RIN3: variants seen among roughly 807,000 people sequenced by gnomAD.
RIN3 encodes RAB5 interacting protein 3.
Under a neutral mutation model 76.3 loss-of-function variants are expected in RIN3, and 54 were observed. That is an observed-to-expected ratio of 0.71 (90% CI 0.57 to 0.89). The LOEUF (loss-of-function observed/expected upper bound fraction) is 0.89. Ranked by LOEUF, RIN3 falls within the 40% of genes least tolerant of loss-of-function variation. RIN3 has a pLI of 0.00. For missense variants in RIN3, 1,256 were observed against 1,322.1 expected (o/e 0.95, Z 0.78); for synonymous variants, 576 against 564.0 (o/e 1.02, Z -0.30).
chr14:92,560,562 A>G (rs911006661), intron 2 of RIN3, among the ~76,000 whole-genome samples: 5 of 152,116 alleles, frequency 3.3e-5, no homozygotes, highest in African/African-American at 1.2e-4. Flanking sequence ...CCATTTTCAG[A>G]TGAGGAAACA....
chr14:92,569,971 C>T lies in RIN3; in HGVS notation c.250-7389C>T, dbSNP rs116080855. Among the ~76,000 whole-genome samples the T allele has an allele frequency of 8.8e-3, 1,341 of 152,276 alleles. 20 individuals carry two copies. The highest frequency in any genetic ancestry group is 0.031 in the African/African-American group (1,288 of 41,542). On this transcript the variant is annotated intron_variant, in intron 2 of 9. Coordinates refer to ENST00000216487, the MANE Select transcript of RIN3 (RefSeq NM_024832.5). ...GGAAAAAGAAATTTTGGGTGGCATT[C>T]GCAGTAATGGGTCATGACGTGCAGT... is the stretch of plus-strand genomic sequence containing the variant.
At chr14:92,520,403 G>C (rs1009777546) in intron 1 of RIN3, among the ~76,000 whole-genome samples, 1 of 152,312 alleles carries the variant, frequency 6.6e-6, no homozygotes, top group Non-Finnish European at 1.5e-5. Context: ...GCCCATCCTC[G>C]AGGGGCTGCC....
intron 1 of RIN3, among the ~76,000 whole-genome samples, chr14:92,538,428 A>G (rs1311456542): frequency 1.3e-5 from 2 of 152,156 alleles, no homozygotes; most frequent in African/African-American, 4.8e-5. Context: ...CTTTTTCTTG[A>G]ACCCTTATTC....
intron 4 of RIN3, among the ~76,000 whole-genome samples, chr14:92,627,863 A>G (rs534679014): frequency 1.3e-5 from 2 of 152,366 alleles, no homozygotes; most frequent in East Asian, 3.9e-4. Flanking sequence ...GCATTCAGGC[A>G]AAAGTTTTCT....
chr14:92,574,370 A>C (rs1395818442), intron 2 of RIN3, among the ~76,000 whole-genome samples: 2 of 152,212 alleles, frequency 1.3e-5, no homozygotes, highest in African/African-American at 4.8e-5. Flanking sequence ...TGGATTCTCT[A>C]CCTGGCTATG....
chr14:92,537,634 C>CTTTTT (rs576683908), intron 1 of RIN3, among the ~76,000 whole-genome samples: 8 of 51,636 alleles, frequency 1.5e-4, no homozygotes, highest in South Asian at 1.9e-3. Flanking sequence ...GCCTTAGGGA[C>CTTTTT]TTTTTTTTTT....
chr14:92,555,987 C>T (rs758523477), intron 2 of RIN3, 32 bp downstream of exon 2: 10 of 1,588,016 alleles, frequency 6.3e-6, no homozygotes, highest in Non-Finnish European at 8.6e-6. Context: ...TTGGTAGGCA[C>T]ACACACCTGT....
intron 7 of RIN3, among the ~76,000 whole-genome samples, chr14:92,673,874 T>A: frequency 6.6e-6 from 1 of 152,244 alleles, no homozygotes; most frequent in East Asian, 1.9e-4. Flanking sequence ...ACAGGAGCAG[T>A]CATTTCCAAT....
At chr14:92,537,436 C>T (rs1897024780) in intron 1 of RIN3, among the ~76,000 whole-genome samples, 1 of 152,148 alleles carries the variant, frequency 6.6e-6, no homozygotes, top group African/African-American at 2.4e-5. Flanking sequence ...ACAGACAATG[C>T]TCCCCTGAAT....
In RIN3 at chr14:92,646,183, G is replaced by A. The variant is rs559263842; in HGVS notation, c.532+4854G>A. On this transcript the variant is annotated intron_variant, in intron 5 of 9. Coordinates refer to ENST00000216487, the MANE Select transcript of RIN3 (RefSeq NM_024832.5). ...TCAGGGCTTGCTGAGTTTGAACCCC[G>A]TGCTCTGCCTGCGCTATGCCCTGAT... 7.8e-4 allele frequency among the ~76,000 whole-genome samples: 119 copies of A among 152,242 alleles called. 2 individuals are homozygous for A. The highest frequency in any genetic ancestry group is 9.7e-4 in the East Asian group (5 of 5,170).
chr14:92,513,971 C>A lies in RIN3; in HGVS notation c.39C>A (p.Pro13=). ...CCGGGGCGCCCGCGCGCGGGGACCC[C>A]ACGGGGTAAGTCCGGGCGGCCGCCC... The part of the protein sequence containing the change: ...RHAGAPARGD[P]TGPVPVVGKG... The change falls in exon 1 of 10, where the codon CCC becomes CCA. Residue 13 remains proline (P), a synonymous_variant. Transcript: ENST00000216487. 3 of 1,245,634 alleles carry A rather than the reference C, an allele frequency of 2.4e-6. No individual in the cohort carries two copies. Among genetic ancestry groups the A allele is most frequent in the Non-Finnish European group, 2.0e-6 (2 of 994,742 alleles). 77.2% of individuals were successfully genotyped at this position (1,245,634 alleles called of 1,614,324 possible). A position where few individuals can be genotyped will look rare whatever the true frequency, so the allele number is the denominator to read the frequency against.
In RIN3 at chr14:92,688,595, C is replaced by T; in HGVS notation, c.*343C>T. On this transcript the variant is annotated 3_prime_UTR_variant, in exon 10 of 10. Transcript: ENST00000216487. Reference sequence around the variant, plus strand: ...GGCCATTCCCCATGAGTCCCCCACACCCACCCCATCCTCGGTCTTTGCAAA... The same window carrying T: ...GGCCATTCCCCATGAGTCCCCCACATCCACCCCATCCTCGGTCTTTGCAAA... The T allele has an allele frequency of 3.0e-6, 1 of 329,916 alleles. No individual in the cohort carries two copies. Among genetic ancestry groups the T allele is most frequent in the South Asian group, 5.0e-5 (1 of 19,840 alleles). 20.4% of individuals were successfully genotyped at this position (329,916 alleles called of 1,614,324 possible).
At position 92,651,884 on chromosome 14, in the gene RIN3, C is replaced by T. The variant is rs117068593; in HGVS notation, c.835C>T (p.Arg279Cys). Residue 279 changes from arginine to cysteine, a missense_variant, in exon 6 of 10, where the codon CGC (arginine) becomes TGC (cysteine). By Grantham distance (180) the Arg-to-Cys change is radical. This residue lies in a region of RIN3 where 610 missense variants were observed against 626.4 expected (regional missense o/e 0.97). Transcript: ENST00000216487. ...TSPTSRWAPR[R>C]PPPPPPVLPL... ...ACCCACCTCCAGGTGGGCCCCACGCCGCCCACCACCCCCTCCCCCAGTGCT... is the reference window on the plus strand; with the variant it reads ...ACCCACCTCCAGGTGGGCCCCACGCTGCCCACCACCCCCTCCCCCAGTGCT... 0.17 allele frequency: 262,500 copies of T among 1,590,634 alleles called. 23,718 individuals are homozygous for T. The highest frequency in any genetic ancestry group is 0.19 in the Non-Finnish European group (217,845 of 1,168,004).
intron 7 of RIN3, among the ~76,000 whole-genome samples, chr14:92,659,902 C>T (rs917147711): frequency 3.3e-5 from 5 of 152,168 alleles, no homozygotes; most frequent in African/African-American, 9.7e-5. Flanking sequence ...CTGTTCCTTC[C>T]GAGCTTCTGG....
chr14:92,619,944 A>T (rs933814510), intron 4 of RIN3, among the ~76,000 whole-genome samples: 1 of 152,230 alleles, frequency 6.6e-6, no homozygotes, highest in Non-Finnish European at 1.5e-5. Context: ...CCAATATTTG[A>T]ACATAATTTG....
At chr14:92,635,178 C>A (rs919398062) in intron 4 of RIN3, among the ~76,000 whole-genome samples, 13 of 152,186 alleles carry the variant, frequency 8.5e-5, no homozygotes, top group African/African-American at 3.1e-4. Context: ...GCACCAGTTT[C>A]AGACACCTGC....
Position 92,649,428 on chromosome 14 carries a change from A to G in RIN3, c.533-2154A>G, listed in dbSNP as rs140774790. ...TAGACATGGGCACAGTGCTTCAAAC[A>G]CTCACTCCAGGGGCCTGTGTAGACA... On this transcript the variant is annotated intron_variant, in intron 5 of 9. Transcript: ENST00000216487. Among the ~76,000 whole-genome samples, 400 of 151,240 alleles carry G rather than the reference A, an allele frequency of 2.6e-3. 3 individuals carry two copies. Among genetic ancestry groups the G allele is most frequent in the African/African-American group, 9.3e-3 (382 of 41,078 alleles).
intron 8 of RIN3, among the ~76,000 whole-genome samples, chr14:92,683,104 T>C (rs1278215253): frequency 6.6e-6 from 1 of 151,446 alleles, no homozygotes; most frequent in Non-Finnish European, 1.5e-5. Flanking sequence ...GAGGCGGAGG[T>C]TGCAATGTGC....
At chr14:92,549,764 G>A (rs1280432387) in intron 1 of RIN3, among the ~76,000 whole-genome samples, 4 of 152,236 alleles carry the variant, frequency 2.6e-5, no homozygotes, top group South Asian at 2.1e-4. Context: ...GTGGGTGTCC[G>A]GCGGCAGCCA....
Sources: gnomAD v4.1 joint callset for allele counts (sites outside exome capture counted in the v4.1 genomes callset) on GRCh38, gnomAD v4.1.1 for gene constraint, gnomAD v4.1.1 regional missense constraint, MANE v1.5 for transcripts, NCBI Gene and HGNC (gene_info 2026-07-23, HGNC 2026-07-21) for gene names.